The following RAB11FIP5 variants were observed in gnomAD, a reference collection of about 807,000 sequenced individuals.
RAB11FIP5 encodes RAB11 family interacting protein 5.
A neutral mutation model predicts 85.1 loss-of-function variants in RAB11FIP5; 48 were observed. The ratio of observed to expected loss-of-function variants is 0.56; its 90% CI spans 0.45 to 0.72. The LOEUF is 0.72. RAB11FIP5 is among the 30% of genes least tolerant of loss of function. RAB11FIP5 has a pLI of 0.00. For missense variants in RAB11FIP5, 1,491 were observed against 1,687.0 expected, an observed-to-expected ratio of 0.88 and a Z score of 2.04; for synonymous variants, 729 against 727.3, an observed-to-expected ratio of 1.00 and a Z score of -0.04.
At position 73,089,021 on chromosome 2, in the gene RAB11FIP5, C is replaced by G; in HGVS notation, c.726G>C (p.Lys242Asn). The change falls in exon 2 of 6, where the codon AAG (lysine) becomes AAC (asparagine). Residue 242 changes from lysine (K) to asparagine (N), a missense_variant. Lys to Asn is a moderately conservative substitution (Grantham distance 94). Transcript: ENST00000486777. The surrounding 1 kb of genome is among the most constrained non-coding windows in gnomAD (Gnocchi z 4.6). ...KGFFLRNKLR[K>N]SSLTQSNTSL... ...AGGTGTTGGACTGGGTCAGGGACGA[C>G]TTGCGCAGCTTGTTGCGGAGGAAGA... The G allele has an allele frequency of 6.2e-7, 1 of 1,614,244 alleles. No individual in the cohort carries two copies. The highest frequency in any genetic ancestry group is 8.5e-7 in the Non-Finnish European group (1 of 1,180,028).
intron 1 of RAB11FIP5, among the ~76,000 whole-genome samples, chr2:73,104,618 T>C (rs1558523892): frequency 6.6e-6 from 1 of 152,170 alleles, no homozygotes; most frequent in Non-Finnish European, 1.5e-5. Context: ...AAGAAAGTCC[T>C]GCTGTTTTGC....
intron 1 of RAB11FIP5, among the ~76,000 whole-genome samples, chr2:73,111,583 T>C (rs965564088): frequency 3.3e-5 from 5 of 152,214 alleles, no homozygotes; most frequent in African/African-American, 1.2e-4. Context: ...AAAAAAACCC[T>C]GGCCCACTGA....
At chr2:73,076,591 T>C (rs574388743) in intron 4 of RAB11FIP5, among the ~76,000 whole-genome samples, 6 of 152,264 alleles carry the variant, frequency 3.9e-5, no homozygotes, top group Non-Finnish European at 8.8e-5. Flanking sequence ...AGTTCCCAGT[T>C]TTCCCAGGAC....
chr2:73,076,176 G>C lies in RAB11FIP5; in HGVS notation c.3588C>G (p.His1196Gln), dbSNP rs374692225. The C allele has an allele frequency of 6.2e-7, 1 of 1,607,000 alleles. No homozygotes were observed. Among genetic ancestry groups the C allele is most frequent in the Non-Finnish European group, 8.5e-7 (1 of 1,174,630 alleles). Residue 1196 changes from histidine (H) to glutamine (Q), a missense_variant, in exon 5 of 6, where the codon CAC becomes CAG. This residue lies in a region of RAB11FIP5 where 232 missense variants were observed against 259.1 expected (regional missense o/e 0.90). Transcript: ENST00000486777. ...GGGCGGCACTGAGGGGCTTCACGGG[G>C]TGGGGACTGCAAAGACATACAAGAG... Reference protein sequence around the residue: ...AEEPQPSASPHPVKPLSAAPV... With the variant: ...AEEPQPSASPQPVKPLSAAPV...
rs1392865927 is a variant in RAB11FIP5, at chr2:73,075,775, T to TGCCG, written c.3772-52_3772-51insCGGC. On this transcript the variant is annotated intron_variant, in intron 5 of 5. Transcript: ENST00000486777. The surrounding 1 kb of genome is among the most constrained non-coding windows in gnomAD (Gnocchi z 4.6). ...CAGGGCAGCCCTAGGCCTGCCTGCC[T>TGCCG]GCCTGCCCGCTTGCCCGCCCGCCCG... 6.5e-6 allele frequency: 10 copies of TGCCG among 1,530,056 alleles called. No individual in the cohort carries two copies. The highest frequency in any genetic ancestry group is 8.8e-6 in the Non-Finnish European group (10 of 1,133,250). The allele number at this position is 1,530,056 out of a possible 1,614,324, so 94.8% of individuals were successfully genotyped here. A position where few individuals can be genotyped will look rare whatever the true frequency, so the allele number is the denominator to read the frequency against.
Position 73,080,353 on chromosome 2 carries a change from TC to T in RAB11FIP5, c.2878del (p.Glu960SerfsTer19). On this transcript the variant is annotated frameshift_variant, in exon 4 of 6. Transcript: ENST00000486777. LOFTEE classifies it high-confidence loss of function. ...KEEGEKRESE[E>X]SDSCSSATLL... ...GGTTGCAGAGGAGCAGCTGTCAGACTCCTCCGACTCACGCTTCTCTCCCTCC... is the reference window on the plus strand; with the variant it reads ...GGTTGCAGAGGAGCAGCTGTCAGACTCTCCGACTCACGCTTCTCTCCCTCC... 8.1e-7 allele frequency: 1 copy of T among 1,232,694 alleles called. No individual in the cohort carries two copies. Among genetic ancestry groups the T allele is most frequent in the Non-Finnish European group, 1.0e-6 (1 of 988,286 alleles). The allele number at this position is 1,232,694 out of a possible 1,614,324, so 76.4% of individuals were successfully genotyped here. A position where few individuals can be genotyped will look rare whatever the true frequency, so the allele number is the denominator to read the frequency against.
intron 3 of RAB11FIP5, among the ~76,000 whole-genome samples, chr2:73,084,732 G>A (rs1684061063): frequency 6.6e-6 from 1 of 152,248 alleles, no homozygotes; most frequent in Non-Finnish European, 1.5e-5. Flanking sequence ...GGGCTGAAAA[G>A]AGCTCTGTGT....
chr2:73,104,434 G>A (rs1475193728), intron 1 of RAB11FIP5, among the ~76,000 whole-genome samples: 3 of 152,152 alleles, frequency 2.0e-5, no homozygotes, highest in Admixed American at 2.0e-4. Context: ...TGGGCGTGGT[G>A]GCACGCACCT....
chr2:73,103,754 C>A (rs1028530528), intron 1 of RAB11FIP5, among the ~76,000 whole-genome samples: 3 of 152,224 alleles, frequency 2.0e-5, no homozygotes, highest in Admixed American at 2.0e-4. Context: ...TACAGGCCAT[C>A]ATCAGCCCCA....
chr2:73,099,026 C>T (rs889070769), intron 1 of RAB11FIP5, among the ~76,000 whole-genome samples: 18 of 137,316 alleles, frequency 1.3e-4, no homozygotes, highest in African/African-American at 4.7e-4. Flanking sequence ...TTAGTAAATG[C>T]TTTTTTGTTT....
intron 1 of RAB11FIP5, among the ~76,000 whole-genome samples, chr2:73,104,164 A>C (rs1003552539): frequency 6.6e-6 from 1 of 152,346 alleles, no homozygotes; most frequent in Non-Finnish European, 1.5e-5. Context: ...GTTACACAAG[A>C]ACTGGTAATG....
chr2:73,097,999 T>A (rs748999813), intron 1 of RAB11FIP5, among the ~76,000 whole-genome samples: 1 of 152,180 alleles, frequency 6.6e-6, no homozygotes, highest in East Asian at 1.9e-4. Context: ...ACTGAACACA[T>A]GGAATTACAT....
At position 73,074,579 on chromosome 2, in the gene RAB11FIP5, G is replaced by A. The variant is rs752660069; in HGVS notation, c.*942C>T. 2 of 154,930 alleles carry A rather than the reference G, an allele frequency of 1.3e-5. No homozygotes were observed. Among genetic ancestry groups the A allele is most frequent in the African/African-American group, 2.4e-5 (1 of 41,458 alleles). The allele number at this position is 154,930 out of a possible 1,614,324, so 9.6% of individuals were successfully genotyped here. Reference sequence around the variant, plus strand: ...GGGACGCCACACAGCGGGAGAGGTCGACATCCAGGGGCTCTTGACCCCGCC... The same window carrying A: ...GGGACGCCACACAGCGGGAGAGGTCAACATCCAGGGGCTCTTGACCCCGCC... On this transcript the variant is annotated 3_prime_UTR_variant, in exon 6 of 6. Transcript: ENST00000486777.
chr2:73,082,335 A>C (rs986952855), intron 3 of RAB11FIP5, among the ~76,000 whole-genome samples: 10 of 152,208 alleles, frequency 6.6e-5, no homozygotes, highest in Admixed American at 1.3e-4. Flanking sequence ...CAAAGAAAAC[A>C]CCAGCTGGCA....
intron 4 of RAB11FIP5, among the ~76,000 whole-genome samples, chr2:73,077,919 C>T (rs779923628): frequency 1.3e-5 from 2 of 152,222 alleles, no homozygotes; most frequent in Non-Finnish European, 2.9e-5. Flanking sequence ...ATGGCTTAGT[C>T]CAAGGCCCTG....
rs967518708 is a variant in RAB11FIP5, at chr2:73,099,554, G to C, written c.432-10239C>G. On this transcript the variant is annotated intron_variant, in intron 1 of 5. Coordinates refer to ENST00000486777, the MANE Select transcript of RAB11FIP5 (RefSeq NM_001371272.1). ...TGCTCCCATTTCCCACCCAGCTAAGGGAACAGGGGGCCTGGTGAAGGGCAA... is the reference window on the plus strand; with the variant it reads ...TGCTCCCATTTCCCACCCAGCTAAGCGAACAGGGGGCCTGGTGAAGGGCAA... 5.9e-5 allele frequency among the ~76,000 whole-genome samples: 9 copies of C among 152,194 alleles called. No individual in the cohort carries two copies. The South Asian group carries it at 1.9e-3, about 31-fold the overall frequency.
intron 1 of RAB11FIP5, among the ~76,000 whole-genome samples, chr2:73,093,235 C>T (rs1684253192): frequency 6.6e-6 from 1 of 152,198 alleles, no homozygotes; most frequent in Admixed American, 6.5e-5. Context: ...CAGCAGGGTC[C>T]TATGACCTAG....
At chr2:73,101,030 T>C (rs1049791354) in intron 1 of RAB11FIP5, among the ~76,000 whole-genome samples, 19 of 132,784 alleles carry the variant, frequency 1.4e-4, no homozygotes, top group Admixed American at 7.5e-5. Context: ...GGGAGAAAGG[T>C]TGGTGGTGGG....
chr2:73,101,067 G>A (rs1372533302), intron 1 of RAB11FIP5, among the ~76,000 whole-genome samples: 1 of 139,704 alleles, frequency 7.2e-6, no homozygotes, highest in Non-Finnish European at 1.6e-5. Flanking sequence ...ATGCTGGGGG[G>A]CTAACCACCC....
Sources: allele counts gnomAD v4.1 joint callset (sites outside exome capture counted in the v4.1 genomes callset), GRCh38; gene constraint gnomAD v4.1.1; regional missense constraint gnomAD v4.1.1; non-coding constraint Gnocchi (gnomAD v3.1); transcripts MANE v1.5; gene names NCBI Gene and HGNC (gene_info 2026-07-23, HGNC 2026-07-21).